Variants in ATXN7L1 observed in about 807,000 individuals in gnomAD.
ATXN7L1 encodes the protein ataxin-7-like protein 1.
Under a neutral mutation model 70.8 loss-of-function variants are expected in ATXN7L1, and 15 were observed. That is an observed-to-expected ratio of 0.21 (90% confidence interval 0.14 to 0.33). ATXN7L1 has a LOEUF of 0.33. ATXN7L1 is among the 10% of genes least tolerant of loss of function. The pLI is 1.00. For missense variants in ATXN7L1, 975 were observed against 1,097.1 expected (o/e 0.89, Z 1.57); for synonymous variants, 440 against 445.1 (o/e 0.99, Z 0.14).
chr7:105,796,041 T>C (rs1168316850), intron 2 of ATXN7L1, among the ~76,000 whole-genome samples: 3 of 152,240 alleles, frequency 2.0e-5, no homozygotes, highest in Admixed American at 6.5e-5. Flanking sequence ...CCAAGCTCTT[T>C]CCAGGAAGGT....
chr7:105,835,607 C>T (rs542424256), intron 2 of ATXN7L1, among the ~76,000 whole-genome samples: 16 of 152,238 alleles, frequency 1.1e-4, no homozygotes, highest in Admixed American at 4.6e-4. Context: ...TCAGCGGAGA[C>T]GGACTCCTCA....
chr7:105,788,558 A>T, intron 3 of ATXN7L1, 46 bp downstream of exon 3: 1 of 1,464,630 alleles, frequency 6.8e-7, no homozygotes, highest in Non-Finnish European at 9.6e-7. Context: ...GACTGTCCCC[A>T]GGGCGGCAGC....
At chr7:105,689,249 A>G (rs1399966230) in intron 3 of ATXN7L1, among the ~76,000 whole-genome samples, 1 of 152,124 alleles carries the variant, frequency 6.6e-6, no homozygotes, top group Non-Finnish European at 1.5e-5. Flanking sequence ...AACAGCAGCT[A>G]TGTCACTGGG....
intron 3 of ATXN7L1, among the ~76,000 whole-genome samples, chr7:105,771,201 G>GATAATAATA (rs67884616): frequency 0.077 from 10,713 of 139,100 alleles, 545 homozygotes; most frequent in African/African-American, 0.15. Flanking sequence ...CTCCGTCTCT[G>GATAATAATA]ATAATAATAA....
At chr7:105,624,006 G>T in intron 8 of ATXN7L1, 69 bp downstream of exon 8, 5 of 1,283,812 alleles carry the variant, frequency 3.9e-6, no homozygotes, top group South Asian at 2.5e-5. Flanking sequence ...TCATGCCTCT[G>T]GTATGATCAC....
At chr7:105,722,739 G>C (rs1250189935) in intron 3 of ATXN7L1, among the ~76,000 whole-genome samples, 1 of 151,602 alleles carries the variant, frequency 6.6e-6, no homozygotes, top group Admixed American at 6.6e-5. Flanking sequence ...AAAAAAATTA[G>C]CTGGGCGTGG....
At chr7:105,801,978 A>G (rs1806885162) in intron 2 of ATXN7L1, among the ~76,000 whole-genome samples, 1 of 152,172 alleles carries the variant, frequency 6.6e-6, no homozygotes, top group South Asian at 2.1e-4. Context: ...CATTAAATTT[A>G]GGTCCGGGGA....
intron 3 of ATXN7L1, among the ~76,000 whole-genome samples, chr7:105,757,383 C>A (rs1799931003): frequency 6.6e-6 from 1 of 152,138 alleles, no homozygotes; most frequent in Admixed American, 6.5e-5. Context: ...AGATTAGGTT[C>A]TTGCTTTTAT....
At chr7:105,737,852 G>A (rs1364838916) in intron 3 of ATXN7L1, among the ~76,000 whole-genome samples, 1 of 152,184 alleles carries the variant, frequency 6.6e-6, no homozygotes, top group African/African-American at 2.4e-5. Flanking sequence ...GCTGGAAGGT[G>A]ACAAGAGTCC....
At chr7:105,842,313 C>A (rs1409028100) in intron 2 of ATXN7L1, among the ~76,000 whole-genome samples, 1 of 151,854 alleles carries the variant, frequency 6.6e-6, no homozygotes, top group Non-Finnish European at 1.5e-5. Context: ...GTAGCTACTA[C>A]CACTATCTAA....
chr7:105,671,210 G>A (rs576832728), intron 3 of ATXN7L1, among the ~76,000 whole-genome samples: 75 of 151,174 alleles, frequency 5.0e-4, no homozygotes, highest in South Asian at 2.1e-3. Context: ...TTGAACCCGG[G>A]AGGCGGAGGT....
chr7:105,716,665 G>GCACACACACACACACACACA (rs58217531), intron 3 of ATXN7L1, among the ~76,000 whole-genome samples: 1 of 125,524 alleles, frequency 8.0e-6, no homozygotes, highest in East Asian at 2.3e-4. Flanking sequence ...ACCTATCTCT[G>GCACACACACACACACACACA]CACACACACA....
At chr7:105,784,142 T>C (rs564120597) in intron 3 of ATXN7L1, among the ~76,000 whole-genome samples, 14 of 152,284 alleles carry the variant, frequency 9.2e-5, no homozygotes, top group African/African-American at 3.1e-4. Context: ...TTAAATATTT[T>C]TGTAGAGATG....
intron 2 of ATXN7L1, among the ~76,000 whole-genome samples, chr7:105,846,302 T>C (rs1814029431): frequency 6.6e-6 from 1 of 152,038 alleles, no homozygotes; most frequent in Non-Finnish European, 1.5e-5. Context: ...AGCGAGACCC[T>C]GTCTCTAAAA....
At chr7:105,694,245 C>T (rs1207315532) in intron 3 of ATXN7L1, among the ~76,000 whole-genome samples, 2 of 151,644 alleles carry the variant, frequency 1.3e-5, no homozygotes, top group Non-Finnish European at 2.9e-5. Flanking sequence ...ATGGTTTCAC[C>T]ATGTTGGCCA....
In ATXN7L1 at chr7:105,790,674, A is replaced by ACTATCTATCTATCTATCTAT. The variant is rs3036755; in HGVS notation, c.251-1986_251-1967dup. Among the ~76,000 whole-genome samples the ACTATCTATCTATCTATCTAT allele has an allele frequency of 2.5e-3, 279 of 113,268 alleles. 1 individual carries two copies. The highest frequency in any genetic ancestry group is 7.5e-3 in the East Asian group (29 of 3,872). 74.3% of individuals were successfully genotyped at this position (113,268 alleles called of 152,430 possible). A position where few individuals can be genotyped will look rare whatever the true frequency, so the allele number is the denominator to read the frequency against. On this transcript the variant is annotated intron_variant, in intron 2 of 11. Coordinates refer to ENST00000419735, the MANE Select transcript of ATXN7L1 (RefSeq NM_020725.2). ...TCTATCATCTATCTACTATCTATCT[A>ACTATCTATCTATCTATCTAT]CTATCTATCTATCTATCTATCTATC... is the stretch of plus-strand genomic sequence containing the variant.
intron 5 of ATXN7L1, among the ~76,000 whole-genome samples, chr7:105,641,925 A>G (rs1798313606): frequency 6.6e-6 from 1 of 152,232 alleles, no homozygotes. Flanking sequence ...AGACAATAAA[A>G]ATTACCCACA....
At chr7:105,673,082 G>C (rs1473475744) in intron 3 of ATXN7L1, among the ~76,000 whole-genome samples, 2 of 152,194 alleles carry the variant, frequency 1.3e-5, no homozygotes, top group Admixed American at 1.3e-4. Context: ...CCAGCTGTCA[G>C]CATCCCAAAA....
At chr7:105,691,232 C>A (rs954900045) in intron 3 of ATXN7L1, among the ~76,000 whole-genome samples, 1 of 152,152 alleles carries the variant, frequency 6.6e-6, no homozygotes, top group Non-Finnish European at 1.5e-5. Flanking sequence ...ACTGCATCCA[C>A]CCTCGAGGAG....
Sources: allele counts gnomAD v4.1 joint callset (sites outside exome capture counted in the v4.1 genomes callset), GRCh38; gene constraint gnomAD v4.1.1; transcripts MANE v1.5; gene names NCBI Gene and HGNC (gene_info 2026-07-23, HGNC 2026-07-21).